Variants in CNTLN observed in about 807,000 individuals in gnomAD.
CNTLN encodes centlein, centrosomal protein.
In CNTLN, 212 loss-of-function variants were observed where a neutral mutation model predicts 180.0. The ratio of observed to expected loss-of-function variants is 1.18; its 90% CI spans 1.05 to 1.32. The LOEUF (loss-of-function observed/expected upper bound fraction) is 1.32, where lower values mean the gene tolerates loss of function less well. Ranked by LOEUF, CNTLN falls within the 40% of genes most tolerant of loss-of-function variation. The pLI is 0.00. For synonymous variants in CNTLN, 722 were observed against 563.1 expected, an observed-to-expected ratio of 1.28 and a Z score of -3.99; for missense variants, 2,095 against 1,610.9, an observed-to-expected ratio of 1.30 and a Z score of -5.14.
At chr9:17,318,957 A>G (rs1819722982) in intron 8 of CNTLN, among the ~76,000 whole-genome samples, 1 of 152,202 alleles carries the variant, frequency 6.6e-6, no homozygotes, top group East Asian at 1.9e-4. Flanking sequence ...ACGAAACTGA[A>G]CAACACCATT....
At chr9:17,356,446 C>A (rs974263181) in intron 12 of CNTLN, among the ~76,000 whole-genome samples, 13 of 152,166 alleles carry the variant, frequency 8.5e-5, no homozygotes, top group Admixed American at 2.0e-4. Context: ...TTCCTCTTTT[C>A]TATGTCTTGA....
rs1820938780 is a variant in CNTLN, at chr9:17,335,348, C to G, written c.1644+2618C>G. On this transcript the variant is annotated intron_variant, in intron 10 of 25. Coordinates refer to ENST00000380647, the MANE Select transcript of CNTLN (RefSeq NM_017738.4). Reference sequence around the variant, plus strand: ...CATGGTTAACATGGTGAAACCCTGTCTCTACTAAAAATACAAAAATTAGCT... The same window carrying G: ...CATGGTTAACATGGTGAAACCCTGTGTCTACTAAAAATACAAAAATTAGCT... Among the ~76,000 whole-genome samples the G allele has an allele frequency of 2.0e-5, 3 of 152,046 alleles. 1 individual carries two copies. In the South Asian group the frequency reaches 6.2e-4, roughly 31 times the overall value.
chr9:17,256,751 A>G (rs918069962), intron 5 of CNTLN, among the ~76,000 whole-genome samples: 1 of 151,952 alleles, frequency 6.6e-6, no homozygotes, highest in African/African-American at 2.4e-5. Context: ...CTTTTCTTGT[A>G]CAACTCAAAG....
chr9:17,462,820 T>C lies in CNTLN; in HGVS notation c.3307-96T>C, dbSNP rs1383450241. The C allele has an allele frequency of 8.8e-6, 4 of 456,928 alleles. No individual in the cohort carries two copies. In the East Asian group the frequency reaches 1.1e-4, roughly 12 times the overall value. The allele number at this position is 456,928 out of a possible 1,614,324, so 28.3% of individuals were successfully genotyped here. A position where few individuals can be genotyped will look rare whatever the true frequency, so the allele number is the denominator to read the frequency against. On this transcript the variant is annotated intron_variant, in intron 19 of 25. Coordinates refer to ENST00000380647, the MANE Select transcript of CNTLN (RefSeq NM_017738.4). ...TTTAATTATTGTTTACCATAATTAT[T>C]GTAGAGGTATTCTTCTTTAGAATGG...
At chr9:17,293,388 A>G (rs1233570753) in intron 6 of CNTLN, among the ~76,000 whole-genome samples, 1 of 152,134 alleles carries the variant, frequency 6.6e-6, no homozygotes, top group Non-Finnish European at 1.5e-5. Flanking sequence ...TAAGTCTGCT[A>G]ATCTGTGAAT....
chr9:17,351,000 GAC>G (rs1260508154), intron 12 of CNTLN, among the ~76,000 whole-genome samples: 1 of 152,110 alleles, frequency 6.6e-6, no homozygotes, highest in Non-Finnish European at 1.5e-5. Context: ...TTAAATCAAA[GAC>G]AGAAAAATCT....
At chr9:17,254,030 G>A (rs1028103785) in intron 5 of CNTLN, among the ~76,000 whole-genome samples, 2 of 151,458 alleles carry the variant, frequency 1.3e-5, no homozygotes, top group Admixed American at 1.3e-4. Flanking sequence ...TAATTGAGAT[G>A]ATCAGATTAT....
chr9:17,207,307 C>G (rs1010701045), intron 2 of CNTLN, among the ~76,000 whole-genome samples: 2 of 152,052 alleles, frequency 1.3e-5, no homozygotes, highest in Admixed American at 1.3e-4. Flanking sequence ...GTGTGTGTGC[C>G]TTTTCTTCTT....
At chr9:17,276,931 A>G (rs1384628944) in intron 6 of CNTLN, among the ~76,000 whole-genome samples, 3 of 152,046 alleles carry the variant, frequency 2.0e-5, no homozygotes, top group Non-Finnish European at 4.4e-5. Flanking sequence ...ACAGATATGG[A>G]AGTCCAACTC....
At chr9:17,449,134 T>C (rs1830631450) in intron 18 of CNTLN, among the ~76,000 whole-genome samples, 1 of 152,194 alleles carries the variant, frequency 6.6e-6, no homozygotes, top group African/African-American at 2.4e-5. Flanking sequence ...ATTATGTTGG[T>C]AGTGAGGATG....
At chr9:17,193,465 C>T (rs1028401710) in intron 2 of CNTLN, among the ~76,000 whole-genome samples, 6 of 152,236 alleles carry the variant, frequency 3.9e-5, no homozygotes, top group Admixed American at 3.9e-4. Flanking sequence ...GGTTACAGGG[C>T]CCATGCAAAC....
In CNTLN at chr9:17,161,930, C is replaced by CT. The variant is rs528238885; in HGVS notation, c.449+18560dup. ...CATTACATTTGCTTCTATGGTTAAT[C>CT]TTTTTTGTGTTACTTTCTGTTTTTT... On this transcript the variant is annotated intron_variant, in intron 2 of 25. Coordinates refer to ENST00000380647, the MANE Select transcript of CNTLN (RefSeq NM_017738.4). Among the ~76,000 whole-genome samples, 722 of 151,794 alleles carry CT rather than the reference C, an allele frequency of 4.8e-3. 6 individuals carry two copies. The highest frequency in any genetic ancestry group is 8.7e-3 in the South Asian group (42 of 4,812).
Position 17,330,723 on chromosome 9 carries a change from C to A in CNTLN, c.1433C>A (p.Ala478Glu). 1 of 1,611,774 alleles carries A rather than the reference C, an allele frequency of 6.2e-7. No homozygotes were observed. The highest frequency in any genetic ancestry group is 1.7e-4 in the Middle Eastern group (1 of 6,050). The change falls in exon 9 of 26, where the codon GCA becomes GAA. Residue 478 changes from alanine (A) to glutamate (E), a missense_variant. Transcript: ENST00000380647. ...TATTTACAGGAGAAACTAAAGATAG[C>A]AAATGAAAAACTGTCAGAAAACATA... ...IEYLQEKLKI[A>E]NEKLSENISA...
intron 8 of CNTLN, among the ~76,000 whole-genome samples, chr9:17,327,560 T>C (rs1337148629): frequency 1.3e-5 from 2 of 151,694 alleles, no homozygotes; most frequent in Non-Finnish European, 2.9e-5. Flanking sequence ...AGGGATGAGA[T>C]TGTGAAGAGA....
rs10963057 is a variant in CNTLN, at chr9:17,349,499, A to T, written c.1886+7055A>T. ...GAATTTTAAAAGTTAACTTTTAAAG[A>T]CTTTTATAAAACATTGTATGACAAC... is the stretch of plus-strand genomic sequence containing the variant. On this transcript the variant is annotated intron_variant, in intron 12 of 25. Coordinates refer to ENST00000380647, the MANE Select transcript of CNTLN (RefSeq NM_017738.4). Among the ~76,000 whole-genome samples the T allele has an allele frequency of 1.2e-4, 19 of 152,012 alleles. 1 individual carries two copies. Among genetic ancestry groups the T allele is most frequent in the Admixed American group, 9.8e-4 (15 of 15,290 alleles).
chr9:17,456,013 AG>A (rs1831092093), intron 18 of CNTLN, among the ~76,000 whole-genome samples: 1 of 152,180 alleles, frequency 6.6e-6, no homozygotes, highest in Non-Finnish European at 1.5e-5. Context: ...GAATGAAGGT[AG>A]GGAAAGGTTG....
intron 3 of CNTLN, among the ~76,000 whole-genome samples, chr9:17,231,620 T>C (rs921846343): frequency 2.0e-5 from 3 of 152,200 alleles, no homozygotes; most frequent in Non-Finnish European, 2.9e-5. Flanking sequence ...TGTTTCATAA[T>C]TGCAATTACT....
At chr9:17,214,000 CTT>C (rs1353476526) in intron 2 of CNTLN, among the ~76,000 whole-genome samples, 1 of 152,126 alleles carries the variant, frequency 6.6e-6, no homozygotes, top group Non-Finnish European at 1.5e-5. Context: ...GGTCTTGACT[CTT>C]TATCCAATTT....
At chr9:17,257,606 G>C (rs1288936349) in intron 5 of CNTLN, among the ~76,000 whole-genome samples, 1 of 151,276 alleles carries the variant, frequency 6.6e-6, no homozygotes, top group African/African-American at 2.5e-5. Context: ...GTGTAAAAGT[G>C]TTCCTATTTC....
Sources: gnomAD v4.1 joint callset for allele counts (sites outside exome capture counted in the v4.1 genomes callset) on GRCh38, gnomAD v4.1.1 for gene constraint, MANE v1.5 for transcripts, NCBI Gene and HGNC (gene_info 2026-07-23, HGNC 2026-07-21) for gene names.